Variants in RPS6KC1 observed in about 807,000 individuals in gnomAD.
RPS6KC1 encodes inactive ribosomal protein S6 kinase delta-1.
A neutral mutation model predicts 103.8 loss-of-function variants in RPS6KC1; 54 were observed. The ratio of observed to expected loss-of-function variants is 0.52; its 90% CI spans 0.42 to 0.65. The LOEUF (loss-of-function observed/expected upper bound fraction) is 0.65. RPS6KC1 is among the 30% of genes least tolerant of loss of function. The probability of loss-of-function intolerance (pLI) is 0.00; values close to 1 mark genes in which losing one functional copy is unlikely to be tolerated. For missense variants in RPS6KC1, 1,151 were observed against 1,253.8 expected (o/e 0.92, Z 1.24); for synonymous variants, 439 against 438.7 (o/e 1.00, Z -0.01).
At chr1:213,608,671 C>T in the RPS6KC1 span, among the ~76,000 whole-genome samples, 1 of 152,144 alleles carries the variant, frequency 6.6e-6, no homozygotes, top group Non-Finnish European at 1.5e-5. Flanking sequence ...TCCAAAATTT[C>T]ACCAGACATA....
At chr1:213,169,808 G>A (rs1229630087) in intron 7 of RPS6KC1, among the ~76,000 whole-genome samples, 1 of 140,436 alleles carries the variant, frequency 7.1e-6, no homozygotes, top group East Asian at 2.0e-4. Flanking sequence ...TTGAGATGGA[G>A]TCTCGCTCTG....
intron 12 of RPS6KC1, among the ~76,000 whole-genome samples, chr1:213,260,850 G>A (rs1161373327): frequency 6.6e-6 from 1 of 151,582 alleles, no homozygotes; most frequent in African/African-American, 2.4e-5. Flanking sequence ...TACATTTCAG[G>A]AACTTGTGCT....
At chr1:213,367,349 T>C in the RPS6KC1 span, among the ~76,000 whole-genome samples, 1 of 152,358 alleles carries the variant, frequency 6.6e-6, no homozygotes, top group South Asian at 2.1e-4. Context: ...TCCTGACTAG[T>C]GCAGAGTAAG....
At chr1:213,513,982 C>T in the RPS6KC1 span, among the ~76,000 whole-genome samples, 1 of 152,178 alleles carries the variant, frequency 6.6e-6, no homozygotes, top group South Asian at 2.1e-4. Context: ...TGTTCTCTGC[C>T]AGCACATCCT....
chr1:213,104,826 G>A (rs554304385), intron 4 of RPS6KC1, among the ~76,000 whole-genome samples: 1 of 150,004 alleles, frequency 6.7e-6, no homozygotes, highest in Non-Finnish European at 1.5e-5. Flanking sequence ...TGATCATGGC[G>A]TACTATAGTC....
the RPS6KC1 span, among the ~76,000 whole-genome samples, chr1:213,827,315 C>T: frequency 6.6e-6 from 1 of 152,152 alleles, no homozygotes. Context: ...GATGGGGTCT[C>T]TGGGCAGAGC....
At chr1:213,626,423 T>C in the RPS6KC1 span, among the ~76,000 whole-genome samples, 2 of 152,208 alleles carry the variant, frequency 1.3e-5, no homozygotes, top group Non-Finnish European at 2.9e-5. Context: ...AGAAGCTCTT[T>C]AGTTTAATTA....
chr1:213,702,746 A>G, the RPS6KC1 span, among the ~76,000 whole-genome samples: 6 of 151,560 alleles, frequency 4.0e-5, no homozygotes, highest in African/African-American at 1.5e-4. Flanking sequence ...GCTCTGTTTG[A>G]TTTCTATTGG....
the RPS6KC1 span, among the ~76,000 whole-genome samples, chr1:213,725,662 T>TA: frequency 6.6e-6 from 1 of 152,194 alleles, no homozygotes; most frequent in Non-Finnish European, 1.5e-5. Context: ...GGAAGTTAAC[T>TA]AAAAATCCCA....
intron 8 of RPS6KC1, among the ~76,000 whole-genome samples, chr1:213,228,997 G>T (rs1263586632): frequency 1.3e-5 from 2 of 152,140 alleles, no homozygotes; most frequent in African/African-American, 4.8e-5. Context: ...GGAGACAGGA[G>T]ACAGTTCAGA....
the RPS6KC1 span, among the ~76,000 whole-genome samples, chr1:213,420,305 G>C: frequency 6.6e-6 from 1 of 152,190 alleles, no homozygotes; most frequent in African/African-American, 2.4e-5. Flanking sequence ...TCAGGTTAGA[G>C]TTCTAGGTTC....
Position 213,241,146 on chromosome 1 carries a change from A to G in RPS6KC1, c.1670A>G (p.Asp557Gly), listed in dbSNP as rs1558611569. Residue 557 changes from aspartate (D) to glycine (G), a missense_variant, in exon 11 of 15, where the codon GAC (aspartate) becomes GGC (glycine). By Grantham distance (94) the Asp-to-Gly change is moderately conservative. Around this residue, in one of 3 missense-constraint regions of RPS6KC1, gnomAD observed 959 missense variants for 1,006.3 expected, o/e 0.95. Transcript: ENST00000366960. ...IKSFPAHLAA[D>G]SDSPSTQLRA... ...AGCTTCCCAGCACACCTTGCTGCTG[A>G]CAGTGACAGCCCCAGCACACAGCTG... The G allele has an allele frequency of 6.2e-7, 1 of 1,613,892 alleles. No individual in the cohort carries two copies. Among genetic ancestry groups the G allele is most frequent in the South Asian group, 1.1e-5 (1 of 91,084 alleles).
At chr1:213,564,323 A>G in the RPS6KC1 span, among the ~76,000 whole-genome samples, 204 of 152,260 alleles carry the variant, frequency 1.3e-3, 2 homozygotes, top group African/African-American at 4.8e-3. Flanking sequence ...CTTCTTTGCC[A>G]CACTTTGTGA....
intron 5 of RPS6KC1, among the ~76,000 whole-genome samples, chr1:213,118,022 A>C (rs1334167528): frequency 1.0e-5 from 1 of 98,916 alleles, no homozygotes; most frequent in Admixed American, 1.1e-4. Flanking sequence ...ACTTTGTCTC[A>C]AAAAAAAAAA....
the RPS6KC1 span, among the ~76,000 whole-genome samples, chr1:213,687,190 A>C: frequency 1.9e-4 from 29 of 152,232 alleles, no homozygotes; most frequent in African/African-American, 7.0e-4. Flanking sequence ...AGAATGTCTA[A>C]TCTCATGGGA....
the RPS6KC1 span, among the ~76,000 whole-genome samples, chr1:213,395,371 A>G: frequency 6.6e-6 from 1 of 152,172 alleles, no homozygotes; most frequent in Non-Finnish European, 1.5e-5. Flanking sequence ...AAGATTAATT[A>G]TGAATTCAAT....
At chr1:213,324,275 G>A in the RPS6KC1 span, among the ~76,000 whole-genome samples, 1 of 152,176 alleles carries the variant, frequency 6.6e-6, no homozygotes, top group African/African-American at 2.4e-5. Flanking sequence ...AACAGGTCAT[G>A]GATTTTTATT....
chr1:213,488,594 A>G, the RPS6KC1 span, among the ~76,000 whole-genome samples: 1 of 152,190 alleles, frequency 6.6e-6, no homozygotes, highest in Non-Finnish European at 1.5e-5. Flanking sequence ...CCTCTAGAGT[A>G]GATTGACCCT....
chr1:213,207,895 A>G (rs537575671), intron 8 of RPS6KC1, among the ~76,000 whole-genome samples: 1 of 152,032 alleles, frequency 6.6e-6, no homozygotes, highest in East Asian at 1.9e-4. Flanking sequence ...CTGGTCTTGA[A>G]CGCCATACGT....
Sources: allele counts gnomAD v4.1 joint callset (sites outside exome capture counted in the v4.1 genomes callset), GRCh38; gene constraint gnomAD v4.1.1; regional missense constraint gnomAD v4.1.1; transcripts MANE v1.5; gene names NCBI Gene and HGNC (gene_info 2026-07-23, HGNC 2026-07-21).